The following CEP85 variants were observed in gnomAD, a reference collection of about 807,000 sequenced individuals.
CEP85 encodes the protein centrosomal protein of 85 kDa.
Under a neutral mutation model 93.7 loss-of-function variants are expected in CEP85, and 58 were observed. That is an observed-to-expected ratio of 0.62 (90% CI 0.50 to 0.77). The LOEUF (loss-of-function observed/expected upper bound fraction) is 0.77. Ranked by LOEUF, CEP85 falls within the 30% of genes least tolerant of loss-of-function variation. CEP85 has a pLI of 0.00. For synonymous variants in CEP85, 314 were observed against 338.6 expected (o/e 0.93, Z 0.80); for missense variants, 868 against 922.0 (o/e 0.94, Z 0.76).
At chr1:26,236,112 TA>T (rs1328246958) in intron 1 of CEP85, among the ~76,000 whole-genome samples, 1 of 152,242 alleles carries the variant, frequency 6.6e-6, no homozygotes, top group Non-Finnish European at 1.5e-5. Context: ...GAATGCTGAC[TA>T]GACTACTGTA....
chr1:26,237,690 T>A (rs1033643557), intron 1 of CEP85, among the ~76,000 whole-genome samples: 7 of 152,224 alleles, frequency 4.6e-5, no homozygotes, highest in Non-Finnish European at 8.8e-5. Context: ...TGTTTTCATT[T>A]CTCTTGGGTG....
chr1:26,271,550 A>G (rs72872907), intron 10 of CEP85: 27,479 of 172,544 alleles, frequency 0.16, 2,711 homozygotes, highest in African/African-American at 0.27. Context: ...AAGAAGACCC[A>G]TAAATGATTC....
chr1:26,244,076 C>G, intron 2 of CEP85, 90 bp from the exon 3 acceptor site: 1 of 1,172,066 alleles, frequency 8.5e-7, no homozygotes. Context: ...TGCTGCTATT[C>G]TCTTAGGTTT....
At chr1:26,235,082 AAGTT>A (rs998753926) in intron 1 of CEP85, among the ~76,000 whole-genome samples, 2 of 152,114 alleles carry the variant, frequency 1.3e-5, no homozygotes, top group Non-Finnish European at 2.9e-5. Flanking sequence ...GTTGAACTGA[AAGTT>A]AGTGTGTTCA....
intron 1 of CEP85, among the ~76,000 whole-genome samples, chr1:26,238,246 G>C (rs1046804185): frequency 8.5e-6 from 1 of 118,222 alleles, no homozygotes; most frequent in Non-Finnish European, 1.6e-5. Flanking sequence ...TGTCGCCCAG[G>C]CTGGAGTGCA....
intron 3 of CEP85, among the ~76,000 whole-genome samples, chr1:26,252,591 A>T (rs747417595): frequency 2.6e-5 from 4 of 152,210 alleles, no homozygotes; most frequent in Non-Finnish European, 4.4e-5. Flanking sequence ...TATCACTAGC[A>T]GTCTGCCTTA....
intron 3 of CEP85, among the ~76,000 whole-genome samples, chr1:26,244,769 G>T (rs1311252474): frequency 6.6e-6 from 1 of 152,016 alleles, no homozygotes; most frequent in Non-Finnish European, 1.5e-5. Flanking sequence ...AGAACCACCT[G>T]CCTCGGCCTC....
chr1:26,242,936 C>A (rs564739704), intron 2 of CEP85, among the ~76,000 whole-genome samples: 2 of 152,122 alleles, frequency 1.3e-5, no homozygotes, highest in Admixed American at 1.3e-4. Flanking sequence ...CTACCTCCCC[C>A]CAAACAGCAT....
chr1:26,255,787 T>A lies in CEP85; in HGVS notation c.825T>A (p.His275Gln), dbSNP rs895753830. The A allele has an allele frequency of 1.9e-6, 3 of 1,614,028 alleles. No individual in the cohort carries two copies. The highest frequency in any genetic ancestry group is 2.5e-6 in the Non-Finnish European group (3 of 1,180,020). ...QVWQPSPDTW[H>Q]PREQSCELST... Reference sequence around the variant, plus strand: ...GGCAGCCGAGTCCTGACACTTGGCATCCCCGAGAGCAATCTTGTGAACTCA... The same window carrying A: ...GGCAGCCGAGTCCTGACACTTGGCAACCCCGAGAGCAATCTTGTGAACTCA... The change falls in exon 4 of 14, where the codon CAT (histidine) becomes CAA (glutamine). Residue 275 changes from histidine (H) to glutamine (Q), a missense_variant. Coordinates refer to ENST00000451429, the MANE Select transcript of CEP85 (RefSeq NM_001319944.2).
chr1:26,241,244 ATTTTT>A (rs71004567), intron 2 of CEP85, among the ~76,000 whole-genome samples: 1 of 109,286 alleles, frequency 9.2e-6, no homozygotes, highest in African/African-American at 3.5e-5. Context: ...ATTCAGCAGA[ATTTTT>A]TTTTTTTTTT....
chr1:26,269,590 C>T lies in CEP85; in HGVS notation c.1625C>T (p.Ala542Val). The change falls in exon 9 of 14, where the codon GCA becomes GTA. Residue 542 changes from alanine to valine, a missense_variant. By Grantham distance (64) the Ala-to-Val change is moderately conservative. Transcript: ENST00000451429. ...IQLESLRQREAEFSSAGHSLQ... is the reference protein window; with the variant it reads ...IQLESLRQREVEFSSAGHSLQ... ...CTGGAAAGCCTGAGGCAGAGAGAAG[C>T]AGAATTCTCCTCCGCTGGACATAGG... 1 of 1,613,738 alleles carries T rather than the reference C, an allele frequency of 6.2e-7. No individual in the cohort carries two copies. The highest frequency in any genetic ancestry group is 8.5e-7 in the Non-Finnish European group (1 of 1,179,856).
chr1:26,267,392 C>T (rs964357611), intron 7 of CEP85, among the ~76,000 whole-genome samples: 2 of 152,018 alleles, frequency 1.3e-5, no homozygotes, highest in African/African-American at 4.8e-5. Flanking sequence ...GGTGAAATCC[C>T]ATCTGTACTA....
At chr1:26,268,930 C>T (rs140434548) in intron 8 of CEP85, among the ~76,000 whole-genome samples, 6 of 152,264 alleles carry the variant, frequency 3.9e-5, no homozygotes, top group East Asian at 3.9e-4. Context: ...TGGTTCTCTT[C>T]GCCCTCTTGC....
Position 26,276,752 on chromosome 1 carries a change from G to A in CEP85, c.2120G>A (p.Gly707Asp), listed in dbSNP as rs765761795. ...GACCCCAATCTCTCCCTGCTCCTGG[G>A]CATTCACTGTGAGTCCTCAGACCAG... is the stretch of plus-strand genomic sequence containing the variant. ...GHDPNLSLLLGIHSQHPETQL... is the reference protein window; with the variant it reads ...GHDPNLSLLLDIHSQHPETQL... The change falls in exon 13 of 14, where the codon GGC (glycine) becomes GAC (aspartate). Residue 707 changes from glycine to aspartate, a missense_variant. Physicochemically the swap from Gly to Asp is moderately conservative, Grantham distance 94. Coordinates refer to ENST00000451429, the MANE Select transcript of CEP85 (RefSeq NM_001319944.2). 3.1e-6 allele frequency: 5 copies of A among 1,612,862 alleles called. No homozygotes were observed. The highest frequency in any genetic ancestry group is 4.2e-6 in the Non-Finnish European group (5 of 1,179,294).
At chr1:26,259,566 A>C (rs779602782) in intron 6 of CEP85, 51 bp from the exon 7 acceptor site, 5 of 1,471,936 alleles carry the variant, frequency 3.4e-6, no homozygotes, top group Non-Finnish European at 4.6e-6. Flanking sequence ...AGTAAAGTAC[A>C]TGAGACTATA....
chr1:26,257,759 A>G (rs1204997615), intron 5 of CEP85, 29 bp downstream of exon 5: 2 of 1,612,866 alleles, frequency 1.2e-6, no homozygotes, highest in Admixed American at 1.7e-5. Flanking sequence ...CCACAGAGCC[A>G]GACTACTCTC....
chr1:26,253,835 A>G (rs923692258), intron 3 of CEP85, among the ~76,000 whole-genome samples: 1 of 151,784 alleles, frequency 6.6e-6, no homozygotes, highest in African/African-American at 2.4e-5. Flanking sequence ...TGAGCCCATG[A>G]GTTCGAGACC....
chr1:26,274,388 C>T (rs996948392), intron 11 of CEP85, among the ~76,000 whole-genome samples: 4 of 152,208 alleles, frequency 2.6e-5, no homozygotes, highest in African/African-American at 9.7e-5. Flanking sequence ...AGCTGAATAG[C>T]ACATTCCCTG....
rs1322622953 is a variant in CEP85, at chr1:26,263,191, GT to G, written c.1341+3391del. The G allele has an allele frequency of 1.5e-5, 4 of 275,366 alleles. No individual in the cohort carries two copies. In the East Asian group the frequency reaches 4.0e-4, roughly 27 times the overall value. The allele number at this position is 275,366 out of a possible 1,614,324, so 17.1% of individuals were successfully genotyped here. A position where few individuals can be genotyped will look rare whatever the true frequency, so the allele number is the denominator to read the frequency against. ...CTCCATCATGCTTTCAACAGTTGTG[GT>G]TGGTGCATAAAAATTCACCAAGAAA... On this transcript the variant is annotated intron_variant, in intron 7 of 13. Transcript: ENST00000451429.
Sources: gnomAD v4.1 joint callset for allele counts (sites outside exome capture counted in the v4.1 genomes callset) on GRCh38, gnomAD v4.1.1 for gene constraint, MANE v1.5 for transcripts, NCBI Gene and HGNC (gene_info 2026-07-23, HGNC 2026-07-21) for gene names.